Variants in SMIM5 observed in about 807,000 individuals in gnomAD.
The protein encoded by SMIM5 is chromosome 17 open reading frame 109.
In SMIM5, 4 loss-of-function variants were observed where a neutral mutation model predicts 4.0. The ratio of observed to expected loss-of-function variants is 1.01; its 90% CI spans 0.50 to 2.30. The LOEUF (loss-of-function observed/expected upper bound fraction) is 2.30, where lower values mean the gene tolerates loss of function less well. SMIM5 is among the 30% of genes most tolerant of loss of function. The pLI is 0.02. For synonymous variants in SMIM5, 46 were observed against 43.6 expected, an observed-to-expected ratio of 1.05 and a Z score of -0.22; for missense variants, 107 against 99.2, an observed-to-expected ratio of 1.08 and a Z score of -0.34.
At chr17:75,634,270 G>A in intron 1 of SMIM5, 68 bp downstream of exon 1, 1 of 984,878 alleles carries the variant, frequency 1.0e-6, no homozygotes, top group Non-Finnish European at 1.2e-6. Context: ...TGCCCCCAGG[G>A]TGAAGGGCCA....
rs1295532452 is a variant in SMIM5, at chr17:75,633,961, T to TG, written c.-276dup. The TG allele has an allele frequency of 1.0e-6, 1 of 985,398 alleles. No individual in the cohort carries two copies. 61.0% of individuals were successfully genotyped at this position (985,398 alleles called of 1,614,324 possible). On this transcript the variant is annotated 5_prime_UTR_variant, in exon 1 of 3. An upstream open reading frame in the 5' UTR loses its in-frame stop. Coordinates refer to ENST00000375215, the MANE Select transcript of SMIM5 (RefSeq NM_001162995.3). ...GAGGTGAGGCACCGGGACATGAAGT[T>TG]GGAGGACAAGTTCCCAAGCAGGGCT... is the stretch of plus-strand genomic sequence containing the variant.
chr17:75,639,898 C>T, intron 1 of SMIM5: 1 of 318,314 alleles, frequency 3.1e-6, no homozygotes, highest in Non-Finnish European at 5.8e-6. Context: ...ACAGCGAAGC[C>T]AGAAACCACC....
chr17:75,641,181 T>A lies in SMIM5; in HGVS notation c.*284T>A. On this transcript the variant is annotated 3_prime_UTR_variant, in exon 3 of 3. Coordinates refer to ENST00000375215, the MANE Select transcript of SMIM5 (RefSeq NM_001162995.3). ...GGCTTCTTCGCCTACCTGCACTTTT[T>A]AACAAAACAAGGAAGTAGGGGTCCC... The A allele has an allele frequency of 2.5e-6, 1 of 398,162 alleles. No individual in the cohort carries two copies. The highest frequency in any genetic ancestry group is 4.6e-6 in the Non-Finnish European group (1 of 217,096). The allele number at this position is 398,162 out of a possible 1,614,324, so 24.7% of individuals were successfully genotyped here.
chr17:75,635,766 A>T, intron 1 of SMIM5: 1 of 984,236 alleles, frequency 1.0e-6, no homozygotes, highest in Non-Finnish European at 1.2e-6. Flanking sequence ...AACAGGGCAG[A>T]GCAAGCAGCC....
rs1256997329 is a variant in SMIM5, at chr17:75,640,734, G to A, written c.128-57G>A. 1.3e-6 allele frequency: 2 copies of A among 1,527,680 alleles called. No homozygotes were observed. The highest frequency in any genetic ancestry group is 5.0e-5 in the East Asian group (2 of 40,312). The allele number at this position is 1,527,680 out of a possible 1,614,324, so 94.6% of individuals were successfully genotyped here. On this transcript the variant is annotated intron_variant, in intron 2 of 2. Coordinates refer to ENST00000375215, the MANE Select transcript of SMIM5 (RefSeq NM_001162995.3). The surrounding 1 kb of genome is among the most constrained non-coding windows in gnomAD (Gnocchi z 4.6). ...AGGCAGTGGGTTTCTCTGGGAGGAG[G>A]GTGGGCATCCTTTCTCTCCCCCAAC...
Position 75,633,511 on chromosome 17 carries a change from C to T in SMIM5, c.-728C>T. On this transcript the variant is annotated 5_prime_UTR_variant, in exon 1 of 3. Coordinates refer to ENST00000375215, the MANE Select transcript of SMIM5 (RefSeq NM_001162995.3). ...GGGCGCGCAGGCCACTCCCAGGTCA[C>T]TCAGGATTCCAAGTTCTCCCCCAAG... is the stretch of plus-strand genomic sequence containing the variant. 5.4e-6 allele frequency: 7 copies of T among 1,288,438 alleles called. No homozygotes were observed. The highest frequency in any genetic ancestry group is 7.1e-6 in the Non-Finnish European group (7 of 988,298). The allele number at this position is 1,288,438 out of a possible 1,614,324, so 79.8% of individuals were successfully genotyped here.
Position 75,633,625 on chromosome 17 carries a change from A to G in SMIM5, c.-614A>G, listed in dbSNP as rs1262257411. On this transcript the variant is annotated 5_prime_UTR_variant, in exon 1 of 3. Coordinates refer to ENST00000375215, the MANE Select transcript of SMIM5 (RefSeq NM_001162995.3). ...AGCTTGAGAGGGCCACCAGCTCCCC[A>G]CTGTTTACTGTTGTTCCTGAGAGAG... is the stretch of plus-strand genomic sequence containing the variant. 4 of 1,195,580 alleles carry G rather than the reference A, an allele frequency of 3.3e-6. No individual in the cohort carries two copies. Among genetic ancestry groups the G allele is most frequent in the Admixed American group, 6.7e-5 (2 of 29,662 alleles). The allele number at this position is 1,195,580 out of a possible 1,614,324, so 74.1% of individuals were successfully genotyped here.
Position 75,640,855 on chromosome 17 carries a change from G to C in SMIM5, c.192G>C (p.Glu64Asp). Residue 64 changes from glutamate (E) to aspartate (D), a missense_variant, in exon 3 of 3, where the codon GAG (glutamate) becomes GAC (aspartate). Glu to Asp is a conservative substitution (Grantham distance 45). Coordinates refer to ENST00000375215, the MANE Select transcript of SMIM5 (RefSeq NM_001162995.3). This position sits in a 1 kb window ranked among gnomAD's most constrained non-coding sequence, Gnocchi z 4.6. ...GCTGCACTCACTGCTGCTGCCCTGAGCGGAGAGGCAGGAAGGTCCAGGTGC... is the reference window on the plus strand; with the variant it reads ...GCTGCACTCACTGCTGCTGCCCTGACCGGAGAGGCAGGAAGGTCCAGGTGC... The part of the protein sequence containing the change: ...SCCCTHCCCP[E>D]RRGRKVQVQP... The C allele has an allele frequency of 6.5e-7, 1 of 1,548,858 alleles. No homozygotes were observed. The highest frequency in any genetic ancestry group is 1.2e-5 in the South Asian group (1 of 84,060).
chr17:75,640,997 C>A lies in SMIM5; in HGVS notation c.*100C>A. 1 of 1,487,558 alleles carries A rather than the reference C, an allele frequency of 6.7e-7. No homozygotes were observed. The highest frequency in any genetic ancestry group is 9.0e-7 in the Non-Finnish European group (1 of 1,115,286). 92.1% of individuals were successfully genotyped at this position (1,487,558 alleles called of 1,614,324 possible). A position where few individuals can be genotyped will look rare whatever the true frequency, so the allele number is the denominator to read the frequency against. ...GCAGCCCTTACCCCTCAAGACCAGG[C>A]TCCCCTGGCCCCAGCTCTGGCCCAG... On this transcript the variant is annotated 3_prime_UTR_variant, in exon 3 of 3. Transcript: ENST00000375215. The surrounding 1 kb of genome is among the most constrained non-coding windows in gnomAD (Gnocchi z 4.6).
At position 75,640,139 on chromosome 17, in the gene SMIM5, C is replaced by T; in HGVS notation, c.-36-27C>T. On this transcript the variant is annotated intron_variant, in intron 1 of 2. Transcript: ENST00000375215. This position sits in a 1 kb window ranked among gnomAD's most constrained non-coding sequence, Gnocchi z 4.6. ...ACGAGTGTGGGGCCAGCCGTGGAGG[C>T]TCCAGGTGTTCTCTCTGCCCCAGCA... is the stretch of plus-strand genomic sequence containing the variant. 3 of 1,488,166 alleles carry T rather than the reference C, an allele frequency of 2.0e-6. No individual in the cohort carries two copies. The highest frequency in any genetic ancestry group is 2.7e-6 in the Non-Finnish European group (3 of 1,121,862). 92.2% of individuals were successfully genotyped at this position (1,488,166 alleles called of 1,614,324 possible). A position where few individuals can be genotyped will look rare whatever the true frequency, so the allele number is the denominator to read the frequency against.
At chr17:75,639,994 A>C (rs2059403460) in intron 1 of SMIM5, 172 bp from the exon 2 acceptor site, 1 of 622,228 alleles carries the variant, frequency 1.6e-6, no homozygotes, top group Admixed American at 3.5e-5. Flanking sequence ...GAGCTGTGTC[A>C]GCTGGGTGGG....
intron 1 of SMIM5, 96 bp downstream of exon 1, chr17:75,634,298 G>A (rs960265296): frequency 5.1e-6 from 5 of 976,436 alleles, no homozygotes; most frequent in African/African-American, 3.5e-5. Context: ...CCATAAACAC[G>A]GAGAGGTCTT....
chr17:75,635,954 G>C, intron 1 of SMIM5: 1 of 648,126 alleles, frequency 1.5e-6, no homozygotes. Context: ...CTGTTGCAAG[G>C]CTCCGTGTGC....
At position 75,633,755 on chromosome 17, in the gene SMIM5, T is replaced by A; in HGVS notation, c.-484T>A. The A allele has an allele frequency of 9.7e-7, 1 of 1,036,116 alleles. No homozygotes were observed. The highest frequency in any genetic ancestry group is 1.2e-6 in the Non-Finnish European group (1 of 857,708). 64.2% of individuals were successfully genotyped at this position (1,036,116 alleles called of 1,614,324 possible). On this transcript the variant is annotated 5_prime_UTR_variant, in exon 1 of 3. Transcript: ENST00000375215. ...ACCTGAGAGCGCTGCAGGACTCCCCTCCACAGGCTCAGGTGGAGCCTCCCC... is the reference window on the plus strand; with the variant it reads ...ACCTGAGAGCGCTGCAGGACTCCCCACCACAGGCTCAGGTGGAGCCTCCCC...
chr17:75,640,812 T>C lies in SMIM5; in HGVS notation c.149T>C (p.Leu50Pro). 1.3e-6 allele frequency: 2 copies of C among 1,550,298 alleles called. No individual in the cohort carries two copies. Among genetic ancestry groups the C allele is most frequent in the Non-Finnish European group, 1.7e-6 (2 of 1,146,882 alleles). Residue 50 changes from leucine to proline, a missense_variant, in exon 3 of 3, where the codon CTG becomes CCG. Coordinates refer to ENST00000375215, the MANE Select transcript of SMIM5 (RefSeq NM_001162995.3). This position sits in a 1 kb window ranked among gnomAD's most constrained non-coding sequence, Gnocchi z 4.6. ...LFTATVLLLLLIACSCCCTHC... is the reference protein window; with the variant it reads ...LFTATVLLLLPIACSCCCTHC... ...CCAGCTACTGTTCTGCTGTTGCTGC[T>C]GATAGCCTGCAGCTGCTGCTGCACT... is the stretch of plus-strand genomic sequence containing the variant.
At chr17:75,637,118 A>C (rs2059338240) in intron 1 of SMIM5, 1 of 152,332 alleles carries the variant, frequency 6.6e-6, no homozygotes, top group Admixed American at 6.5e-5. Flanking sequence ...CTTTTCCTGC[A>C]CCAGTAAATT....
At chr17:75,639,028 G>A (rs1341555473) in intron 1 of SMIM5, 2 of 152,388 alleles carry the variant, frequency 1.3e-5, no homozygotes, top group Admixed American at 1.3e-4. Flanking sequence ...TCACCATCCT[G>A]GGTGCTCATG....
At chr17:75,634,717 C>G (rs2059286588) in intron 1 of SMIM5, among the ~76,000 whole-genome samples, 1 of 152,232 alleles carries the variant, frequency 6.6e-6, no homozygotes, top group Non-Finnish European at 1.5e-5. Context: ...GTGTTCTCAG[C>G]TCACGGCTCA....
At position 75,633,477 on chromosome 17, in the gene SMIM5, C is replaced by T. The variant is rs1328113434; in HGVS notation, c.-762C>T. ...CCCTCACCTCACAAGGAACATGAGG[C>T]GCCTTGCCGGGCGCGCAGGCCACTC... On this transcript the variant is annotated 5_prime_UTR_variant, in exon 1 of 3. Coordinates refer to ENST00000375215, the MANE Select transcript of SMIM5 (RefSeq NM_001162995.3). 16 of 1,288,984 alleles carry T rather than the reference C, an allele frequency of 1.2e-5. No homozygotes were observed. The Admixed American group carries it at 2.3e-4, about 19-fold the overall frequency. 79.8% of individuals were successfully genotyped at this position (1,288,984 alleles called of 1,614,324 possible). A position where few individuals can be genotyped will look rare whatever the true frequency, so the allele number is the denominator to read the frequency against.
Sources: allele counts gnomAD v4.1 joint callset (sites outside exome capture counted in the v4.1 genomes callset), GRCh38; gene constraint gnomAD v4.1.1; non-coding constraint Gnocchi (gnomAD v3.1); transcripts MANE v1.5; gene names NCBI Gene and HGNC (gene_info 2026-07-23, HGNC 2026-07-21).